ENAH: variants seen among roughly 807,000 people sequenced by gnomAD.
The protein encoded by ENAH is ENAH actin regulator.
In ENAH, 23 loss-of-function variants were observed where a neutral mutation model predicts 78.7. The observed-to-expected ratio is 0.29, with a 90% CI of 0.21 to 0.41. The LOEUF is 0.41. ENAH is among the 10% of genes least tolerant of loss of function. The pLI is 1.00. For synonymous variants in ENAH, 226 were observed against 241.0 expected, an observed-to-expected ratio of 0.94 and a Z score of 0.58; for missense variants, 544 against 691.0, an observed-to-expected ratio of 0.79 and a Z score of 2.39.
rs1322467571 is a variant in ENAH at position 225,495,251 on chromosome 1, C to T, written c.*2524G>A. On this transcript the variant is annotated 3_prime_UTR_variant, in exon 14 of 14. Transcript: ENST00000366843. ...CATCCAACGTACAAGAGCACAAAAA[C>T]CATCATAATAATGTGGTTCCAAGGA... 6.6e-6 allele frequency: 1 copy of T among 152,510 alleles called. No homozygotes were observed. The highest frequency in any genetic ancestry group is 2.4e-5 in the African/African-American group (1 of 41,438). The allele number at this position is 152,510 out of a possible 1,614,324, so 9.4% of individuals were successfully genotyped here.
At chr1:225,647,319 A>G (rs1040230442) in intron 1 of ENAH, among the ~76,000 whole-genome samples, 9 of 152,242 alleles carry the variant, frequency 5.9e-5, no homozygotes, top group Non-Finnish European at 1.0e-4. Flanking sequence ...TGTTACTTGA[A>G]AATATTTACA....
At chr1:225,601,686 T>C (rs937069376) in intron 1 of ENAH, among the ~76,000 whole-genome samples, 1 of 151,932 alleles carries the variant, frequency 6.6e-6, no homozygotes, top group African/African-American at 2.4e-5. Flanking sequence ...TACTAAACCA[T>C]GTGGTAGGCA....
chr1:225,505,160 G>T, intron 11 of ENAH: 1 of 749,360 alleles, frequency 1.3e-6, no homozygotes, highest in Non-Finnish European at 2.1e-6. Flanking sequence ...AACAAGAATT[G>T]AGTCTATTAA....
Position 225,652,825 on chromosome 1 carries a change from CA to C in ENAH, c.-136del. 2 of 635,404 alleles carry C rather than the reference CA, an allele frequency of 3.1e-6. No individual in the cohort carries two copies. The highest frequency in any genetic ancestry group is 2.3e-6 in the Non-Finnish European group (1 of 435,790). The allele number at this position is 635,404 out of a possible 1,614,324, so 39.4% of individuals were successfully genotyped here. On this transcript the variant is annotated 5_prime_UTR_variant, in exon 1 of 14. Transcript: ENST00000366843. ...AGTGTCCGGCTCCTCCTTCGGCGGC[CA>C]GGGGGCTACACCATCTCCTCGCACA... is the stretch of plus-strand genomic sequence containing the variant.
rs879470035 is a variant in ENAH at position 225,604,746 on chromosome 1, T to A, written c.6-37332A>T. On this transcript the variant is annotated intron_variant, in intron 1 of 13. Coordinates refer to ENST00000366843, the MANE Select transcript of ENAH (RefSeq NM_018212.6). The stretch of plus-strand genomic sequence containing the variant: ...AGGCAGGGGTTGCAGTAAGCCGAGA[T>A]TGCGCCATTGCACTCCAGCCTGGGC... 4.9e-4 allele frequency among the ~76,000 whole-genome samples: 75 copies of A among 151,960 alleles called. 1 individual carries two copies. The highest frequency in any genetic ancestry group is 4.8e-3 in the Admixed American group (74 of 15,274).
chr1:225,566,541 T>C (rs2096735884), intron 2 of ENAH, among the ~76,000 whole-genome samples: 1 of 152,210 alleles, frequency 6.6e-6, no homozygotes, highest in South Asian at 2.1e-4. Flanking sequence ...AGTCAGTTGA[T>C]TCCAACATCT....
At chr1:225,515,561 T>C (rs188569543) in intron 6 of ENAH, among the ~76,000 whole-genome samples, 250 of 152,318 alleles carry the variant, frequency 1.6e-3, no homozygotes, top group Admixed American at 4.2e-3. Context: ...AGAGTTGTTT[T>C]TATCCCACAA....
chr1:225,575,891 G>C (rs2096785385), intron 1 of ENAH, among the ~76,000 whole-genome samples: 1 of 152,178 alleles, frequency 6.6e-6, no homozygotes, highest in Admixed American at 6.5e-5. Context: ...TAAACTTGGA[G>C]TAAGAGCCCT....
Position 225,563,436 on chromosome 1 carries a change from C to A in ENAH, c.171+3813G>T, listed in dbSNP as rs554777714. ...ACCTGCTGTATGCTTCTATTATCTACCCATATCAGCTTAACAAGATTAATT... is the reference window on the plus strand; with the variant it reads ...ACCTGCTGTATGCTTCTATTATCTAACCATATCAGCTTAACAAGATTAATT... On this transcript the variant is annotated intron_variant, in intron 2 of 13. Coordinates refer to ENST00000366843, the MANE Select transcript of ENAH (RefSeq NM_018212.6). 4.3e-4 allele frequency among the ~76,000 whole-genome samples: 65 copies of A among 152,302 alleles called. 2 individuals are homozygous for A. The highest frequency in any genetic ancestry group is 1.2e-3 in the South Asian group (6 of 4,826).
intron 1 of ENAH, among the ~76,000 whole-genome samples, chr1:225,577,363 T>C (rs955263818): frequency 6.6e-6 from 1 of 152,088 alleles, no homozygotes; most frequent in African/African-American, 2.4e-5. Flanking sequence ...TCTGCCACAA[T>C]GGCTGAGAGA....
At chr1:225,635,845 C>T (rs1224296354) in intron 1 of ENAH, among the ~76,000 whole-genome samples, 1 of 152,162 alleles carries the variant, frequency 6.6e-6, no homozygotes. Context: ...CCTAGAAGCC[C>T]AGGAATGCCA....
intron 11 of ENAH, among the ~76,000 whole-genome samples, chr1:225,506,407 C>T (rs1033987423): frequency 6.6e-6 from 1 of 152,124 alleles, no homozygotes; most frequent in African/African-American, 2.4e-5. Context: ...AAGCTGGTCT[C>T]AAATTCGTGA....
rs756297336 is a variant in ENAH at position 225,528,324 on chromosome 1, A to G, written c.434+2230T>C. Among the ~76,000 whole-genome samples the G allele has an allele frequency of 5.3e-5, 8 of 152,352 alleles. No homozygotes were observed. In the South Asian group the frequency reaches 6.2e-4, roughly 12 times the overall value. Reference sequence around the variant, plus strand: ...CAGAAAATGACAACGTAGAAAGGATATGAGAAGGACATGTCAGAAGAGGTG... The same window carrying G: ...CAGAAAATGACAACGTAGAAAGGATGTGAGAAGGACATGTCAGAAGAGGTG... On this transcript the variant is annotated intron_variant, in intron 4 of 13. Coordinates refer to ENST00000366843, the MANE Select transcript of ENAH (RefSeq NM_018212.6).
chr1:225,503,198 T>C (rs1234842466), intron 11 of ENAH, among the ~76,000 whole-genome samples: 1 of 152,230 alleles, frequency 6.6e-6, no homozygotes, highest in Non-Finnish European at 1.5e-5. Flanking sequence ...CCACTTTTTT[T>C]CTTAACTTTT....
At chr1:225,572,658 C>G (rs557437676) in intron 1 of ENAH, among the ~76,000 whole-genome samples, 2 of 152,204 alleles carry the variant, frequency 1.3e-5, no homozygotes, top group East Asian at 3.9e-4. Context: ...CATCATTTTA[C>G]TACCATCCTA....
Position 225,497,521 on chromosome 1 carries a change from C to T in ENAH, c.*254G>A. The T allele has an allele frequency of 6.3e-6, 2 of 318,208 alleles. No homozygotes were observed. Among genetic ancestry groups the T allele is most frequent in the Non-Finnish European group, 5.8e-6 (1 of 172,150 alleles). The allele number at this position is 318,208 out of a possible 1,614,324, so 19.7% of individuals were successfully genotyped here. ...TTTAGTATTTTCTGCATAACTGTTACAGGAACTCTTAAATGATTCTCTTCC... is the reference window on the plus strand; with the variant it reads ...TTTAGTATTTTCTGCATAACTGTTATAGGAACTCTTAAATGATTCTCTTCC... On this transcript the variant is annotated 3_prime_UTR_variant, in exon 14 of 14. Transcript: ENST00000366843.
chr1:225,611,662 C>G (rs1291570388), intron 1 of ENAH, among the ~76,000 whole-genome samples: 3 of 152,044 alleles, frequency 2.0e-5, no homozygotes, highest in Non-Finnish European at 4.4e-5. Flanking sequence ...TGGCCCACAT[C>G]TTTGGTCCTG....
In ENAH at chr1:225,507,860, TTTC is replaced by T. The variant is rs1194154887; in HGVS notation, c.1538+88_1538+90del. The stretch of plus-strand genomic sequence containing the variant: ...GAGTTTTATGGGCTCCTCTGTATAA[TTTC>T]TTACCATTCAATTTTTTTCTACACT... On this transcript the variant is annotated intron_variant, in intron 11 of 13. Transcript: ENST00000366843. 6 of 885,446 alleles carry T rather than the reference TTTC, an allele frequency of 6.8e-6. No individual in the cohort carries two copies. The African/African-American group carries it at 1.0e-4, about 15-fold the overall frequency. 54.8% of individuals were successfully genotyped at this position (885,446 alleles called of 1,614,324 possible).
intron 1 of ENAH, among the ~76,000 whole-genome samples, chr1:225,609,183 TA>T (rs1020449843): frequency 1.4e-4 from 20 of 144,256 alleles, no homozygotes; most frequent in Middle Eastern, 3.5e-3. Flanking sequence ...GTATCCAAAA[TA>T]AAAAAAAAAG....
Sources: gnomAD v4.1 joint callset for allele counts (sites outside exome capture counted in the v4.1 genomes callset) on GRCh38, gnomAD v4.1.1 for gene constraint, MANE v1.5 for transcripts, NCBI Gene and HGNC (gene_info 2026-07-23, HGNC 2026-07-21) for gene names.